GALNT13: variants seen among roughly 807,000 people sequenced by gnomAD.
The protein encoded by GALNT13 is UDP-GalNAc:polypeptide N-acetylgalactosaminyltransferase 13.
Under a neutral mutation model 64.2 loss-of-function variants are expected in GALNT13, and 28 were observed. The ratio of observed to expected loss-of-function variants is 0.44; its 90% CI spans 0.32 to 0.60. GALNT13 has a LOEUF of 0.60. GALNT13 is among the 20% of genes least tolerant of loss of function. The pLI is 0.05. For synonymous variants in GALNT13, 214 were observed against 224.6 expected, an observed-to-expected ratio of 0.95 and a Z score of 0.42; for missense variants, 577 against 669.8, an observed-to-expected ratio of 0.86 and a Z score of 1.53.
downstream of GALNT13, among the ~76,000 whole-genome samples, chr2:154,454,332 A>G (rs1419565074): frequency 6.6e-6 from 1 of 152,146 alleles, no homozygotes; most frequent in East Asian, 1.9e-4. Context: ...TCAAAAAATT[A>G]TAGAAATGGA....
At chr2:154,415,855 A>G (rs1699985593) in intron 11 of GALNT13, among the ~76,000 whole-genome samples, 1 of 152,190 alleles carries the variant, frequency 6.6e-6, no homozygotes, top group Non-Finnish European at 1.5e-5. Flanking sequence ...AGCCATTTCA[A>G]TACTAATTTG....
the GALNT13 span, among the ~76,000 whole-genome samples, chr2:153,410,277 GA>G: frequency 6.6e-6 from 1 of 151,808 alleles, no homozygotes; most frequent in Non-Finnish European, 1.5e-5. Flanking sequence ...GGGGTAGGGG[GA>G]GAGAAAGGAG....
intron 8 of GALNT13, among the ~76,000 whole-genome samples, chr2:154,290,789 G>C (rs536185010): frequency 6.6e-6 from 1 of 152,060 alleles, no homozygotes; most frequent in Non-Finnish European, 1.5e-5. Flanking sequence ...TCTGATGTTC[G>C]GACGTGTCTA....
intron 3 of GALNT13, among the ~76,000 whole-genome samples, chr2:154,053,922 A>G (rs972237807): frequency 2.0e-5 from 3 of 152,084 alleles, no homozygotes; most frequent in Non-Finnish European, 4.4e-5. Context: ...CTTTTAACAG[A>G]ATGGATAGAT....
the GALNT13 span, among the ~76,000 whole-genome samples, chr2:153,682,615 C>T: frequency 6.6e-6 from 1 of 151,708 alleles, no homozygotes; most frequent in Non-Finnish European, 1.5e-5. Flanking sequence ...TCAATGATTA[C>T]ATAAGAGCAC....
chr2:153,739,417 G>A, the GALNT13 span, among the ~76,000 whole-genome samples: 1 of 150,848 alleles, frequency 6.6e-6, no homozygotes, highest in Non-Finnish European at 1.5e-5. Context: ...TGTGTGCAAG[G>A]TTTTCTTCAT....
the GALNT13 span, among the ~76,000 whole-genome samples, chr2:153,123,730 T>C: frequency 3.9e-5 from 6 of 152,200 alleles, no homozygotes; most frequent in Non-Finnish European, 7.3e-5. Flanking sequence ...CCATTAATTT[T>C]TAAGGGCCAA....
At chr2:153,113,431 A>G in the GALNT13 span, among the ~76,000 whole-genome samples, 1 of 152,042 alleles carries the variant, frequency 6.6e-6, no homozygotes, top group Non-Finnish European at 1.5e-5. Flanking sequence ...TTAAACTTTT[A>G]TAGCTCTAGT....
Position 153,944,514 on chromosome 2 carries a change from A to T in GALNT13, c.17A>T (p.Tyr6Phe), listed in dbSNP as rs767259675. The T allele has an allele frequency of 1.2e-6, 2 of 1,613,254 alleles. No homozygotes were observed. The highest frequency in any genetic ancestry group is 1.7e-6 in the Non-Finnish European group (2 of 1,179,516). MRRFV[Y>F]CKVVLATSLM... ...AGGAAAGACATGAGGAGATTTGTCT[A>T]CTGCAAGGTGGTTCTAGCCACTTCG... Residue 6 changes from tyrosine to phenylalanine, a missense_variant, in exon 3 of 13, where the codon TAC (tyrosine) becomes TTC (phenylalanine). This residue lies in a region of GALNT13 where 341 missense variants were observed against 379.3 expected (regional missense o/e 0.90). Transcript: ENST00000392825.
chr2:153,624,629 T>C, the GALNT13 span, among the ~76,000 whole-genome samples: 3 of 151,942 alleles, frequency 2.0e-5, no homozygotes, highest in Non-Finnish European at 2.9e-5. Context: ...AGCTTACATA[T>C]AGTGTAAGAG....
intron 3 of GALNT13, among the ~76,000 whole-genome samples, chr2:154,061,371 T>C (rs928449692): frequency 2.6e-5 from 4 of 152,212 alleles, no homozygotes; most frequent in Non-Finnish European, 5.9e-5. Context: ...AAAGCCTTTG[T>C]AATTGCCTGT....
At chr2:154,264,288 T>C (rs541634960) in intron 8 of GALNT13, among the ~76,000 whole-genome samples, 1 of 151,644 alleles carries the variant, frequency 6.6e-6, no homozygotes, top group East Asian at 1.9e-4. Context: ...AGGTAAGGGG[T>C]AGAGGAAATA....
chr2:153,860,319 C>T, the GALNT13 span, among the ~76,000 whole-genome samples: 7 of 152,190 alleles, frequency 4.6e-5, no homozygotes, highest in Non-Finnish European at 7.3e-5. Flanking sequence ...TTTTCCTTCT[C>T]TTTCATATAT....
chr2:153,378,881 G>T, the GALNT13 span, among the ~76,000 whole-genome samples: 1 of 152,124 alleles, frequency 6.6e-6, no homozygotes, highest in Admixed American at 6.6e-5. Flanking sequence ...AATGTCCAGA[G>T]TGTTGGCAGA....
chr2:153,528,908 G>A, the GALNT13 span, among the ~76,000 whole-genome samples: 4 of 151,634 alleles, frequency 2.6e-5, no homozygotes, highest in Admixed American at 1.3e-4. Flanking sequence ...ACCAATTACG[G>A]GATACAGCAA....
the GALNT13 span, among the ~76,000 whole-genome samples, chr2:153,783,889 A>T: frequency 4.0e-5 from 6 of 151,618 alleles, no homozygotes; most frequent in Non-Finnish European, 8.8e-5. Flanking sequence ...AGTCAATTAA[A>T]CCTCTTTTCT....
chr2:154,181,300 A>T (rs1162144888), intron 4 of GALNT13, among the ~76,000 whole-genome samples: 4 of 152,202 alleles, frequency 2.6e-5, no homozygotes, highest in Non-Finnish European at 2.9e-5. Context: ...AATTAACAAA[A>T]TAAAAATGCA....
At chr2:154,385,265 G>A (rs1698455185) in intron 9 of GALNT13, among the ~76,000 whole-genome samples, 1 of 151,898 alleles carries the variant, frequency 6.6e-6, no homozygotes, top group Non-Finnish European at 1.5e-5. Flanking sequence ...TTAATTGTCA[G>A]ATCAATAAAG....
chr2:153,365,652 A>G, the GALNT13 span, among the ~76,000 whole-genome samples: 2 of 152,248 alleles, frequency 1.3e-5, no homozygotes, highest in African/African-American at 4.8e-5. Flanking sequence ...ACAGCTCAAC[A>G]TCACTAGTCA....
Sources: gnomAD v4.1 joint callset for allele counts (sites outside exome capture counted in the v4.1 genomes callset) on GRCh38, gnomAD v4.1.1 for gene constraint, gnomAD v4.1.1 regional missense constraint, MANE v1.5 for transcripts, NCBI Gene and HGNC (gene_info 2026-07-23, HGNC 2026-07-21) for gene names.